The following CRTC2 variants were observed in gnomAD, a reference collection of about 807,000 sequenced individuals.
The protein encoded by CRTC2 is CREB regulated transcription coactivator 2.
CRTC2 carries 25 observed loss-of-function variants against 70.9 expected under a neutral mutation model. That is an observed-to-expected ratio of 0.35 (90% CI 0.26 to 0.49). The LOEUF is 0.49. CRTC2 is among the 20% of genes least tolerant of loss of function. CRTC2 has a pLI of 0.98. For missense variants in CRTC2, 737 were observed against 882.6 expected, an observed-to-expected ratio of 0.83 and a Z score of 2.09; for synonymous variants, 330 against 364.1, an observed-to-expected ratio of 0.91 and a Z score of 1.07.
chr1:153,949,700 T>C (rs1283080051), intron 11 of CRTC2, among the ~76,000 whole-genome samples: 3 of 151,944 alleles, frequency 2.0e-5, no homozygotes, highest in Non-Finnish European at 2.9e-5. Context: ...AATATAAAAA[T>C]TAGCTGGGCA....
chr1:153,958,564 C>G lies in CRTC2; in HGVS notation c.-67G>C. The G allele has an allele frequency of 1.4e-6, 2 of 1,459,544 alleles. No homozygotes were observed. Among genetic ancestry groups the G allele is most frequent in the Admixed American group, 2.3e-5 (1 of 44,432 alleles). The allele number at this position is 1,459,544 out of a possible 1,614,324, so 90.4% of individuals were successfully genotyped here. A position where few individuals can be genotyped will look rare whatever the true frequency, so the allele number is the denominator to read the frequency against. ...CGCGGCCTCCGCCGCGGCCTCGGCC[C>G]GGCTCCTCCAGCCGTAGCCACCGCC... On this transcript the variant is annotated 5_prime_UTR_variant, in exon 1 of 14. Transcript: ENST00000368633.
rs756096945 is a variant in CRTC2 at position 153,948,596 on chromosome 1, G to T, written c.1723C>A (p.Pro575Thr). 2.6e-5 allele frequency: 42 copies of T among 1,603,218 alleles called. No homozygotes were observed. The East Asian group carries it at 4.2e-4, about 16-fold the overall frequency. The part of the protein sequence containing the change: ...ESPSASLVLD[P>T]PGFSEGPGFL... ...CCAGGCCCTTCAGAAAAGCCAGGGG[G>T]ATCCAGCACCAGGCTGGCTGATGGG... The change falls in exon 13 of 14, where the codon CCC (proline) becomes ACC (threonine). Residue 575 changes from proline (P) to threonine (T), a missense_variant. By Grantham distance (38) the Pro-to-Thr change is conservative. Coordinates refer to ENST00000368633, the MANE Select transcript of CRTC2 (RefSeq NM_181715.3).
chr1:153,956,858 C>A (rs1354229222), intron 1 of CRTC2, among the ~76,000 whole-genome samples: 3 of 152,074 alleles, frequency 2.0e-5, no homozygotes, highest in African/African-American at 7.2e-5. Flanking sequence ...GATCGAGGCA[C>A]CGTAAAGAGA....
At chr1:153,955,818 A>C (rs555393656) in intron 1 of CRTC2, among the ~76,000 whole-genome samples, 10 of 151,514 alleles carry the variant, frequency 6.6e-5, no homozygotes, top group African/African-American at 2.4e-4. Context: ...CTCATCAATG[A>C]TATCACTACT....
chr1:153,947,747 C>T lies in CRTC2; in HGVS notation c.*362G>A. On this transcript the variant is annotated 3_prime_UTR_variant, in exon 14 of 14. Coordinates refer to ENST00000368633, the MANE Select transcript of CRTC2 (RefSeq NM_181715.3). ...ATAGTATCCACTCTGGCTCTCTCCT[C>T]CACTGCAAGGGGAAGAGTGGTGAGG... 1 of 241,040 alleles carries T rather than the reference C, an allele frequency of 4.1e-6. No individual in the cohort carries two copies. The highest frequency in any genetic ancestry group is 6.6e-5 in the South Asian group (1 of 15,188). The allele number at this position is 241,040 out of a possible 1,614,324, so 14.9% of individuals were successfully genotyped here.
chr1:153,956,031 T>TCA (rs903598243), intron 1 of CRTC2, among the ~76,000 whole-genome samples: 8 of 152,206 alleles, frequency 5.3e-5, no homozygotes, highest in African/African-American at 1.9e-4. Flanking sequence ...CAGGTGGATG[T>TCA]CACAGAGCCA....
intron 6 of CRTC2, 115 bp from the exon 7 acceptor site, chr1:153,952,949 C>T (rs947267330): frequency 1.2e-5 from 16 of 1,286,902 alleles, no homozygotes; most frequent in South Asian, 2.4e-5. Flanking sequence ...TTTGGGAGGC[C>T]GAGGCAGGTG....
rs1362591860 is a variant in CRTC2 at position 153,948,083 on chromosome 1, A to G, written c.*26T>C. On this transcript the variant is annotated 3_prime_UTR_variant, in exon 14 of 14. Transcript: ENST00000368633. The stretch of plus-strand genomic sequence containing the variant: ...GGAATGGTGGTGGGGGATGGGGCCA[A>G]GAAGAGGGATGGTGATGAGGTGCCC... The G allele has an allele frequency of 1.2e-6, 2 of 1,609,614 alleles. No homozygotes were observed. Among genetic ancestry groups the G allele is most frequent in the Non-Finnish European group, 1.7e-6 (2 of 1,176,442 alleles).
intron 1 of CRTC2, among the ~76,000 whole-genome samples, chr1:153,956,778 C>G (rs2102123300): frequency 6.6e-6 from 1 of 152,278 alleles, no homozygotes; most frequent in Non-Finnish European, 1.5e-5. Context: ...CATGTATGCC[C>G]ACTAGACTTT....
At position 153,953,547 on chromosome 1, in the gene CRTC2, G is replaced by A. The variant is rs1680469213; in HGVS notation, c.494C>T (p.Ala165Val). 1.2e-6 allele frequency: 2 copies of A among 1,611,442 alleles called. No individual in the cohort carries two copies. The highest frequency in any genetic ancestry group is 1.7e-6 in the Non-Finnish European group (2 of 1,179,336). The change falls in exon 5 of 14, where the codon GCA (alanine) becomes GTA (valine). Residue 165 changes from alanine (A) to valine (V), a missense_variant. Around this residue, in one of 3 missense-constraint regions of CRTC2, gnomAD observed 699 missense variants for 823.7 expected, o/e 0.85. Coordinates refer to ENST00000368633, the MANE Select transcript of CRTC2 (RefSeq NM_181715.3). ...AGGCAAAAGCCATCACCTGTTAAGT[G>A]CAGATGGTAGTCGAAACAACTGCCC... Reference protein sequence around the residue: ...EKGQLFRLPSALNRTSSDSAL... With the variant: ...EKGQLFRLPSVLNRTSSDSAL...
chr1:153,952,368 C>T (rs1268727735), intron 9 of CRTC2, 29 bp downstream of exon 9: 13 of 1,612,852 alleles, frequency 8.1e-6, no homozygotes, highest in Non-Finnish European at 1.1e-5. Context: ...CCTTCCCCCA[C>T]CTCTCAGCCA....
chr1:153,957,287 CCA>C (rs1680669342), intron 1 of CRTC2, among the ~76,000 whole-genome samples: 1 of 151,916 alleles, frequency 6.6e-6, no homozygotes, highest in Non-Finnish European at 1.5e-5. Flanking sequence ...ATAAATGCAA[CCA>C]CAGTCAGACC....
chr1:153,956,657 G>A (rs1680630427), intron 1 of CRTC2, among the ~76,000 whole-genome samples: 1 of 152,128 alleles, frequency 6.6e-6, no homozygotes, highest in South Asian at 2.1e-4. Flanking sequence ...TATCTCAGTG[G>A]TATAGCCTCC....
chr1:153,953,640 G>C (rs766602283), intron 4 of CRTC2, 34 bp from the exon 5 acceptor site: 127 of 1,490,436 alleles, frequency 8.5e-5, no homozygotes, highest in Non-Finnish European at 1.1e-4. Context: ...GAGGAGGAAG[G>C]CTGGCAGTGG....
rs140933480 is a variant in CRTC2 at position 153,948,282 on chromosome 1, C to G, written c.1909G>C (p.Gly637Arg). ...FSKEIAAALA[G>R]VPGFEVSAAG... ...GCTGACACCTCAAAGCCAGGCACTC[C>G]GGCCAGGGCTGCTGCAATCTCCTTA... The change falls in exon 14 of 14, where the codon GGA becomes CGA. Residue 637 changes from glycine (G) to arginine (R), a missense_variant. By Grantham distance (125) the Gly-to-Arg change is moderately radical (BLOSUM62 -2). Around this residue, in one of 3 missense-constraint regions of CRTC2, gnomAD observed 699 missense variants for 823.7 expected, o/e 0.85. Transcript: ENST00000368633. 2 of 1,614,142 alleles carry G rather than the reference C, an allele frequency of 1.2e-6. No individual in the cohort carries two copies. Among genetic ancestry groups the G allele is most frequent in the Non-Finnish European group, 1.7e-6 (2 of 1,180,058 alleles).
At chr1:153,957,384 GC>G (rs1233349170) in intron 1 of CRTC2, among the ~76,000 whole-genome samples, 1 of 152,118 alleles carries the variant, frequency 6.6e-6, no homozygotes, top group Non-Finnish European at 1.5e-5. Context: ...AGGAATCATT[GC>G]AATATCCTTA....
At chr1:153,956,327 T>C (rs1680610350) in intron 1 of CRTC2, among the ~76,000 whole-genome samples, 1 of 152,228 alleles carries the variant, frequency 6.6e-6, no homozygotes, top group African/African-American at 2.4e-5. Flanking sequence ...ATCCTCACTT[T>C]GGGGAGCTAT....
Position 153,949,208 on chromosome 1 carries a change from C to T in CRTC2, c.1581G>A (p.Arg527=). The T allele has an allele frequency of 5.6e-6, 9 of 1,614,112 alleles. No individual in the cohort carries two copies. The highest frequency in any genetic ancestry group is 6.8e-6 in the Non-Finnish European group (8 of 1,180,006). The part of the protein sequence containing the change: ...VQSSGGQPPG[R]QSHYGTPYPP... ...GGTACGGTGTCCCATAATGAGACTG[C>T]CTGCCTGGGGGCTGCCCACCTGAGG... Residue 527 remains arginine (R), a synonymous_variant, in exon 12 of 14, where the codon AGG becomes AGA. Transcript: ENST00000368633.
chr1:153,948,148 A>G lies in CRTC2; in HGVS notation c.2043T>C (p.Pro681=), dbSNP rs770908647. ...CACTGCGGAATGACTCCTCCACAGC[A>G]GGATCAGGCAGCAGGGCACAGGGGT... The part of the protein sequence containing the change: ...LSDPCALLPD[P]AVEESFRSDR... The change falls in exon 14 of 14, where the codon CCT becomes CCC. Residue 681 remains proline (P), a synonymous_variant. Transcript: ENST00000368633. 2 of 1,614,194 alleles carry G rather than the reference A, an allele frequency of 1.2e-6. No individual in the cohort carries two copies. The highest frequency in any genetic ancestry group is 1.7e-6 in the Non-Finnish European group (2 of 1,180,032).
Sources: allele counts gnomAD v4.1 joint callset (sites outside exome capture counted in the v4.1 genomes callset), GRCh38; gene constraint gnomAD v4.1.1; regional missense constraint gnomAD v4.1.1; transcripts MANE v1.5; gene names NCBI Gene and HGNC (gene_info 2026-07-23, HGNC 2026-07-21).